DPH6: variants seen among roughly 807,000 people sequenced by gnomAD.
DPH6 encodes diphthine--ammonia ligase.
A neutral mutation model predicts 38.2 loss-of-function variants in DPH6; 33 were observed. The observed-to-expected ratio is 0.86, with a 90% CI of 0.65 to 1.15. The LOEUF (loss-of-function observed/expected upper bound fraction) is 1.15, where lower values mean the gene tolerates loss of function less well. Among genes scored for constraint, DPH6 ranks in the 50% most tolerant of loss-of-function variants. DPH6 has a pLI of 0.00. For missense variants in DPH6, 325 were observed against 320.0 expected (o/e 1.02, Z -0.12); for synonymous variants, 108 against 103.0 (o/e 1.05, Z -0.30).
intron 5 of DPH6, among the ~76,000 whole-genome samples, chr15:35,420,356 T>G (rs1301565647): frequency 1.3e-5 from 2 of 151,872 alleles, no homozygotes; most frequent in Non-Finnish European, 2.9e-5. Flanking sequence ...AAGAAGGATC[T>G]CAAATAAACA....
the DPH6 span, among the ~76,000 whole-genome samples, chr15:35,152,758 C>A: frequency 6.6e-6 from 1 of 152,200 alleles, no homozygotes; most frequent in Admixed American, 6.5e-5. Flanking sequence ...CTTGGCCTCC[C>A]AAAGTGCCGG....
rs563313829 is a variant in DPH6 at position 35,410,767 on chromosome 15, T to C, written c.567+68A>G. ...AAAATAAAGTAAATTTTTTAATCAT[T>C]GTATCACAGCATTATTTTGTTTTCT... On this transcript the variant is annotated intron_variant, in intron 6 of 8. Transcript: ENST00000256538. The C allele has an allele frequency of 8.7e-4, 1,135 of 1,297,684 alleles. 30 individuals carry two copies. In the South Asian group the frequency reaches 0.015, roughly 18 times the overall value. The allele number at this position is 1,297,684 out of a possible 1,614,324, so 80.4% of individuals were successfully genotyped here. A position where few individuals can be genotyped will look rare whatever the true frequency, so the allele number is the denominator to read the frequency against.
chr15:35,309,528 A>G (rs1216880001), intron 3 of DPH6, among the ~76,000 whole-genome samples: 1 of 152,166 alleles, frequency 6.6e-6, no homozygotes, highest in Admixed American at 6.5e-5. Context: ...CTTCTTAGAG[A>G]CAGAATTCAT....
chr15:35,178,595 C>T, the DPH6 span, among the ~76,000 whole-genome samples: 17 of 152,246 alleles, frequency 1.1e-4, no homozygotes, highest in Non-Finnish European at 1.5e-4. Flanking sequence ...GAGGACACAG[C>T]CAAACCATAT....
the DPH6 span, among the ~76,000 whole-genome samples, chr15:35,199,829 T>C: frequency 5.3e-5 from 8 of 151,234 alleles, no homozygotes; most frequent in African/African-American, 1.9e-4. Flanking sequence ...AGTGCATATG[T>C]AATGGAAGAA....
chr15:35,286,833 T>A (rs2051947038), intron 3 of DPH6, among the ~76,000 whole-genome samples: 1 of 152,204 alleles, frequency 6.6e-6, no homozygotes, highest in Non-Finnish European at 1.5e-5. Context: ...ATTTTTGTTC[T>A]CCCCTGAAGA....
At chr15:35,235,982 A>T (rs1226424242) in intron 3 of DPH6, among the ~76,000 whole-genome samples, 3 of 151,890 alleles carry the variant, frequency 2.0e-5, no homozygotes, top group Admixed American at 1.3e-4. Context: ...TAATGCCACC[A>T]CATGTTTAGT....
chr15:35,299,687 A>G (rs2052042025), intron 3 of DPH6, among the ~76,000 whole-genome samples: 1 of 152,238 alleles, frequency 6.6e-6, no homozygotes. Flanking sequence ...AGCTGTTCAC[A>G]TAGATACACC....
intron 3 of DPH6, chr15:35,298,806 T>G: frequency 8.8e-7 from 1 of 1,135,850 alleles, no homozygotes; most frequent in Non-Finnish European, 1.3e-6. Flanking sequence ...GTCTGTCTTG[T>G]TCCTCGTACA....
At chr15:35,298,554 G>GT in intron 3 of DPH6, 1 of 784,096 alleles carries the variant, frequency 1.3e-6, no homozygotes, top group Non-Finnish European at 2.4e-6. Flanking sequence ...AGACACTTAA[G>GT]TATTTCAGTC....
intron 3 of DPH6, among the ~76,000 whole-genome samples, chr15:35,316,761 A>G (rs2140836419): frequency 6.6e-6 from 1 of 152,356 alleles, no homozygotes; most frequent in Non-Finnish European, 1.5e-5. Flanking sequence ...GGTATAGCAC[A>G]GTAAAACTGA....
At chr15:35,299,788 G>C (rs1053162311) in intron 3 of DPH6, among the ~76,000 whole-genome samples, 1 of 152,170 alleles carries the variant, frequency 6.6e-6, no homozygotes, top group Non-Finnish European at 1.5e-5. Flanking sequence ...TTTCTTCATA[G>C]TATTTAGCAG....
chr15:35,297,568 C>G (rs1210115048), intron 3 of DPH6, among the ~76,000 whole-genome samples: 1 of 151,986 alleles, frequency 6.6e-6, no homozygotes, highest in Non-Finnish European at 1.5e-5. Context: ...ATTGCCTGAT[C>G]TTATTAAAAG....
At chr15:35,257,290 AG>A (rs1234180828) in intron 3 of DPH6, among the ~76,000 whole-genome samples, 1 of 152,150 alleles carries the variant, frequency 6.6e-6, no homozygotes, top group African/African-American at 2.4e-5. Flanking sequence ...GAGTGTTCTC[AG>A]GGAGGGTAAA....
At chr15:35,432,186 A>G (rs1359198510) in intron 5 of DPH6, among the ~76,000 whole-genome samples, 1 of 152,200 alleles carries the variant, frequency 6.6e-6, no homozygotes. Flanking sequence ...GCGTAGAGGT[A>G]TATGAAATTA....
At chr15:35,380,488 T>C (rs1391263647) in intron 7 of DPH6, among the ~76,000 whole-genome samples, 1 of 152,206 alleles carries the variant, frequency 6.6e-6, no homozygotes, top group East Asian at 1.9e-4. Context: ...GGGACCTCAA[T>C]TTTTCTGGCA....
chr15:35,291,638 A>G (rs2051981135), intron 3 of DPH6, among the ~76,000 whole-genome samples: 1 of 152,108 alleles, frequency 6.6e-6, no homozygotes, highest in African/African-American at 2.4e-5. Flanking sequence ...TAATCTCTTA[A>G]TGTTCTCACC....
chr15:35,266,371 G>C lies in DPH6; in HGVS notation n.201-45789C>G, dbSNP rs553585780. On this transcript the variant is annotated intron_variant and non_coding_transcript_variant, in intron 3 of 3. Transcript: ENST00000560386. ...GGAAAGGAAAGCATGATCAGGTTAA[G>C]TATTCAATTAGCTTAATTGGCTTTT... Among the ~76,000 whole-genome samples, 25 of 152,332 alleles carry C rather than the reference G, an allele frequency of 1.6e-4. No homozygotes were observed. In the East Asian group the frequency reaches 3.9e-3, roughly 23 times the overall value.
At chr15:35,313,621 G>A (rs1451868233) in intron 3 of DPH6, among the ~76,000 whole-genome samples, 1 of 151,772 alleles carries the variant, frequency 6.6e-6, no homozygotes, top group African/African-American at 2.4e-5. Context: ...CTGTTTCCTT[G>A]ATTTTCTTCT....
Sources: gnomAD v4.1 joint callset for allele counts (sites outside exome capture counted in the v4.1 genomes callset) on GRCh38, gnomAD v4.1.1 for gene constraint, MANE v1.5 for transcripts, NCBI Gene and HGNC (gene_info 2026-07-23, HGNC 2026-07-21) for gene names.